The following XG variants were observed in gnomAD, a reference collection of about 807,000 sequenced individuals.
XG encodes the protein Xg glycoprotein (Xg blood group), also known as glycoprotein Xg.
XG carries 24 observed loss-of-function variants against 25.7 expected under a neutral mutation model. The observed-to-expected ratio is 0.93, with a 90% CI of 0.68 to 1.31. The LOEUF (loss-of-function observed/expected upper bound fraction) is 1.31. XG is among the 40% of genes most tolerant of loss of function. XG has a pLI of 0.00. For synonymous variants in XG, 77 were observed against 69.2 expected (o/e 1.11, Z -0.56); for missense variants, 181 against 187.6 (o/e 0.96, Z 0.21).
At chrX:2,760,551 C>T (rs959094685) in intron 1 of XG, among the ~76,000 whole-genome samples, 3 of 146,676 alleles carry the variant, frequency 2.0e-5, no homozygotes, top group South Asian at 2.2e-4. Flanking sequence ...CTGGCTAACA[C>T]GGTGAAACCC....
intron 1 of XG, among the ~76,000 whole-genome samples, chrX:2,762,790 G>A (rs2050593842): frequency 6.6e-6 from 1 of 152,108 alleles, no homozygotes; most frequent in Admixed American, 6.6e-5. Flanking sequence ...GCCGTCCTGG[G>A]AGAGAGTGAG....
intron 3 of XG, among the ~76,000 whole-genome samples, chrX:2,780,078 T>G (rs2051085405): frequency 6.6e-6 from 1 of 152,166 alleles, no homozygotes; most frequent in Non-Finnish European, 1.5e-5. Context: ...TTTTATTTTT[T>G]GAAATATTTT....
At chrX:2,770,642 C>T in intron 2 of XG, 51 bp downstream of exon 2, 4 of 1,608,162 alleles carry the variant, frequency 2.5e-6, no homozygotes, top group Non-Finnish European at 3.4e-6. Context: ...TTGGATCTAA[C>T]AGCATCAGCT....
chrX:2,760,216 G>C (rs182005248), intron 1 of XG, among the ~76,000 whole-genome samples: 18 of 151,802 alleles, frequency 1.2e-4, no homozygotes, highest in African/African-American at 4.4e-4. Flanking sequence ...TATTGAGAGC[G>C]TAGGCCAGGC....
At chrX:2,804,688 G>A (rs1452022194) in intron 7 of XG, among the ~76,000 whole-genome samples, 1 of 111,515 alleles carries the variant, frequency 9.0e-6, no homozygotes, top group African/African-American at 3.3e-5. Context: ...TTCAGCAAGC[G>A]GCTCCCCTGA....
chrX:2,765,565 G>A (rs2050666881), intron 1 of XG, among the ~76,000 whole-genome samples: 1 of 152,204 alleles, frequency 6.6e-6, no homozygotes, highest in African/African-American at 2.4e-5. Context: ...GTTCCGTGGT[G>A]TATAAATTCT....
At chrX:2,808,050 C>G in intron 8 of XG, 135 bp from the exon 9 acceptor site, 1 of 679,503 alleles carries the variant, frequency 1.5e-6, no homozygotes, top group Non-Finnish European at 2.3e-6. Flanking sequence ...TCCCCCTCCC[C>G]CCACAAGAAT....
chrX:2,770,670 T>A, intron 2 of XG, 79 bp downstream of exon 2: 2 of 1,574,624 alleles, frequency 1.3e-6, no homozygotes, highest in Non-Finnish European at 1.7e-6. Flanking sequence ...TACTTTGGGG[T>A]TGGATTGGGC....
chrX:2,781,235 G>T (rs1010393359), intron 3 of XG, among the ~76,000 whole-genome samples: 4 of 150,894 alleles, frequency 2.7e-5, no homozygotes, highest in African/African-American at 9.7e-5. Context: ...AATAATGAAT[G>T]AATTCTTAAC....
At chrX:2,759,093 G>A (rs311117) in intron 1 of XG, among the ~76,000 whole-genome samples, 135,392 of 152,050 alleles carry the variant, frequency 0.89, 60,583 homozygotes, top group Non-Finnish European at 0.92. Flanking sequence ...TCATCTATCT[G>A]TGACATTCTT....
intron 3 of XG, among the ~76,000 whole-genome samples, chrX:2,776,870 A>C (rs1025822865): frequency 6.6e-6 from 1 of 152,160 alleles, no homozygotes; most frequent in Non-Finnish European, 1.5e-5. Context: ...ACAAAAAGAA[A>C]TAACTCCCAG....
chrX:2,768,062 G>A, intron 1 of XG, among the ~76,000 whole-genome samples: 1 of 152,268 alleles, frequency 6.6e-6, no homozygotes, highest in East Asian at 1.9e-4. Context: ...GATGAGACGA[G>A]CTGTCTGCAG....
At chrX:2,800,615 A>C (rs1049743850) in intron 7 of XG, among the ~76,000 whole-genome samples, 28 of 111,780 alleles carry the variant, frequency 2.5e-4, no homozygotes, top group Non-Finnish European at 7.5e-5. Flanking sequence ...CCATCCTCAG[A>C]ACTCACTCCC....
At chrX:2,784,788 C>A (rs1188793991) in intron 4 of XG, among the ~76,000 whole-genome samples, 2 of 111,539 alleles carry the variant, frequency 1.8e-5, no homozygotes, top group Non-Finnish European at 3.8e-5. Context: ...AAAGAGGAGG[C>A]TTCCTTTCCG....
Position 2,815,821 on chromosome X carries a change from A to ACACACACACACCCC in XG, c.*1442_*1443insACACACACACCCCC, listed in dbSNP as rs1491288808. 12 of 107,754 alleles carry ACACACACACACCCC rather than the reference A, an allele frequency of 1.1e-4. No individual in the cohort carries two copies. The highest frequency in any genetic ancestry group is 4.0e-4 in the South Asian group (1 of 2,495). The allele number at this position is 107,754 out of a possible 1,213,427, so 8.9% of individuals were successfully genotyped here. ...TAGTTACACACACACACACACACAC[A>ACACACACACACCCC]CCTACTTAAATGGAATCTAAACATT... On this transcript the variant is annotated 3_prime_UTR_variant, in exon 11 of 11. Coordinates refer to ENST00000644266, the MANE Select transcript of XG (RefSeq NM_001141919.2).
Position 2,811,461 on chromosome X carries a change from G to T in XG, c.571+9G>T, listed in dbSNP as rs748638556. The stretch of plus-strand genomic sequence containing the variant: ...TTGTTTCAGGACCCATGGTAAGTTT[G>T]GCTCTAAACATTGTTTTGCTTGTTA... On this transcript the variant is annotated intron_variant, in intron 10 of 10. Transcript: ENST00000644266. 8 of 1,160,300 alleles carry T rather than the reference G, an allele frequency of 6.9e-6. No individual in the cohort carries two copies. Among genetic ancestry groups the T allele is most frequent in the Non-Finnish European group, 1.2e-6 (1 of 862,220 alleles).
chrX:2,759,572 G>C (rs1261445100), intron 1 of XG, among the ~76,000 whole-genome samples: 1 of 152,188 alleles, frequency 6.6e-6, no homozygotes, highest in East Asian at 1.9e-4. Flanking sequence ...TTCCTTCTTG[G>C]AGTAGGAAGG....
At chrX:2,806,069 C>T (rs946961655) in intron 7 of XG, among the ~76,000 whole-genome samples, 1 of 112,059 alleles carries the variant, frequency 8.9e-6, no homozygotes, top group Non-Finnish European at 1.9e-5. Flanking sequence ...ACTCTGTAGC[C>T]CAGCCTGGAG....
intron 1 of XG, among the ~76,000 whole-genome samples, chrX:2,759,966 G>T (rs1372353982): frequency 7.9e-6 from 1 of 127,234 alleles, no homozygotes. Flanking sequence ...CAGATTCTGG[G>T]CTGATCTGGA....
Sources: gnomAD v4.1 joint callset for allele counts (sites outside exome capture counted in the v4.1 genomes callset) on GRCh38, gnomAD v4.1.1 for gene constraint, MANE v1.5 for transcripts, NCBI Gene and HGNC (gene_info 2026-07-23, HGNC 2026-07-21) for gene names.